KDM1A: variants seen among roughly 807,000 people sequenced by gnomAD.
KDM1A encodes the protein lysine demethylase 1A, also known as lysine-specific histone demethylase 1A.
A neutral mutation model predicts 109.4 loss-of-function variants in KDM1A; 49 were observed. That is an observed-to-expected ratio of 0.45 (90% CI 0.36 to 0.57). The LOEUF is 0.57. Ranked by LOEUF, KDM1A falls within the 20% of genes least tolerant of loss-of-function variation. The probability of loss-of-function intolerance (pLI) is 0.00; values close to 1 mark genes in which losing one functional copy is unlikely to be tolerated. For synonymous variants in KDM1A, 380 were observed against 415.4 expected, an observed-to-expected ratio of 0.91 and a Z score of 1.04; for missense variants, 668 against 1,116.6, an observed-to-expected ratio of 0.60 and a Z score of 5.73.
chr1:23,059,716 G>A (rs1642945297), intron 9 of KDM1A, among the ~76,000 whole-genome samples: 1 of 152,168 alleles, frequency 6.6e-6, no homozygotes, highest in Non-Finnish European at 1.5e-5. Flanking sequence ...ATGGGGAATT[G>A]CACAGTTTAA....
intron 2 of KDM1A, among the ~76,000 whole-genome samples, chr1:23,038,828 G>T (rs952347212): frequency 6.6e-6 from 1 of 152,144 alleles, no homozygotes; most frequent in African/African-American, 2.4e-5. Flanking sequence ...ACCTTAAGAA[G>T]GCTGTTTTAC....
At chr1:23,069,961 C>G (rs1415700588) in intron 12 of KDM1A, among the ~76,000 whole-genome samples, 2 of 152,248 alleles carry the variant, frequency 1.3e-5, no homozygotes, top group African/African-American at 4.8e-5. Flanking sequence ...TGGACTCTTG[C>G]CTCACTCTCA....
intron 3 of KDM1A, among the ~76,000 whole-genome samples, chr1:23,048,276 G>C (rs1642560715): frequency 6.6e-6 from 1 of 151,924 alleles, no homozygotes; most frequent in Non-Finnish European, 1.5e-5. Context: ...TATTTATTTT[G>C]ATTTGGGAAT....
rs779535750 is a variant in KDM1A at position 23,055,031 on chromosome 1, G to A, written c.791-38G>A. On this transcript the variant is annotated intron_variant, in intron 5 of 20. Transcript: ENST00000400181. ...TTAGAAGAATATTGTTTAAACTGCT[G>A]AAAATAAAACCGTGTTTTTAATCCA... The A allele has an allele frequency of 4.5e-6, 6 of 1,328,850 alleles. No homozygotes were observed. In the South Asian group the frequency reaches 5.0e-5, roughly 11 times the overall value. 82.3% of individuals were successfully genotyped at this position (1,328,850 alleles called of 1,614,324 possible). A position where few individuals can be genotyped will look rare whatever the true frequency, so the allele number is the denominator to read the frequency against.
intron 15 of KDM1A, 49 bp downstream of exon 15, chr1:23,073,452 T>C: frequency 1.0e-6 from 1 of 978,516 alleles, no homozygotes; most frequent in African/African-American, 1.6e-5. Context: ...TTGAGAGGGA[T>C]TGTAAGAGAA....
chr1:23,034,520 T>TA (rs146716432), intron 2 of KDM1A, among the ~76,000 whole-genome samples: 6,059 of 152,324 alleles, frequency 0.04, 408 homozygotes, highest in African/African-American at 0.14. Flanking sequence ...CTCAGATTGT[T>TA]ACCCTGTGTA....
intron 14 of KDM1A, 127 bp downstream of exon 14, chr1:23,072,324 T>G (rs1171331445): frequency 2.9e-6 from 2 of 690,294 alleles, no homozygotes; most frequent in East Asian, 2.7e-5. Context: ...AATTGTTAAA[T>G]AAATGAATGT....
intron 16 of KDM1A, among the ~76,000 whole-genome samples, chr1:23,078,051 C>G (rs953741722): frequency 2.0e-5 from 3 of 152,216 alleles, no homozygotes; most frequent in African/African-American, 7.2e-5. Flanking sequence ...ATCTCCCTCT[C>G]TGAGAACCCA....
intron 15 of KDM1A, among the ~76,000 whole-genome samples, chr1:23,075,525 C>G (rs1228983147): frequency 6.7e-6 from 1 of 149,716 alleles, no homozygotes; most frequent in African/African-American, 2.5e-5. Flanking sequence ...GAGCGGAGAT[C>G]GCGCCATTGC....
intron 2 of KDM1A, among the ~76,000 whole-genome samples, chr1:23,036,090 A>G (rs1290210492): frequency 3.3e-5 from 5 of 152,048 alleles, no homozygotes; most frequent in Non-Finnish European, 5.9e-5. Flanking sequence ...TTTTTTTTTA[A>G]TCATGCTGTA....
At chr1:23,028,185 T>C (rs1641868614) in intron 1 of KDM1A, among the ~76,000 whole-genome samples, 1 of 152,242 alleles carries the variant, frequency 6.6e-6, no homozygotes, top group Non-Finnish European at 1.5e-5. Flanking sequence ...AGGGTCTGTC[T>C]CTGTTGCTCA....
At chr1:23,070,685 G>C (rs1192323778) in intron 12 of KDM1A, among the ~76,000 whole-genome samples, 1 of 151,838 alleles carries the variant, frequency 6.6e-6, no homozygotes, top group Non-Finnish European at 1.5e-5. Flanking sequence ...GCGGGTGCCT[G>C]TAGTCCCAGC....
At chr1:23,047,127 T>C (rs1165674810) in intron 3 of KDM1A, among the ~76,000 whole-genome samples, 1 of 152,198 alleles carries the variant, frequency 6.6e-6, no homozygotes, top group Non-Finnish European at 1.5e-5. Flanking sequence ...TATTACTTCA[T>C]TTTGGTACTA....
chr1:23,044,252 T>C, intron 2 of KDM1A, 175 bp from the exon 3 acceptor site: 2 of 571,598 alleles, frequency 3.5e-6, no homozygotes, highest in Non-Finnish European at 3.1e-6. Flanking sequence ...CTGACCAGAA[T>C]TTGGAAGACT....
chr1:23,035,856 G>T (rs1273587711), intron 2 of KDM1A, among the ~76,000 whole-genome samples: 1 of 152,020 alleles, frequency 6.6e-6, no homozygotes, highest in Non-Finnish European at 1.5e-5. Flanking sequence ...ATAGAACTTG[G>T]TATAATAGAA....
At chr1:23,062,350 A>G (rs1021935859) in intron 9 of KDM1A, among the ~76,000 whole-genome samples, 10 of 152,236 alleles carry the variant, frequency 6.6e-5, no homozygotes, top group Non-Finnish European at 1.3e-4. Flanking sequence ...TACCTAAAGT[A>G]AAAATTCATT....
intron 2 of KDM1A, among the ~76,000 whole-genome samples, chr1:23,039,623 C>G (rs1642248470): frequency 6.6e-6 from 1 of 152,208 alleles, no homozygotes; most frequent in African/African-American, 2.4e-5. Flanking sequence ...CAGACCATCT[C>G]CTTCTGAAAG....
At chr1:23,054,411 AAATC>A (rs1391932472) in intron 5 of KDM1A, among the ~76,000 whole-genome samples, 1 of 152,176 alleles carries the variant, frequency 6.6e-6, no homozygotes, top group Non-Finnish European at 1.5e-5. Context: ...ATTAAAAATT[AAATC>A]AATACAATTC....
intron 9 of KDM1A, among the ~76,000 whole-genome samples, chr1:23,064,558 A>C (rs1201003434): frequency 6.6e-6 from 1 of 152,230 alleles, no homozygotes; most frequent in Non-Finnish European, 1.5e-5. Context: ...GTTTGTGAAG[A>C]CTGGAAGTAA....
Sources: allele counts gnomAD v4.1 joint callset (sites outside exome capture counted in the v4.1 genomes callset), GRCh38; gene constraint gnomAD v4.1.1; transcripts MANE v1.5; gene names NCBI Gene and HGNC (gene_info 2026-07-23, HGNC 2026-07-21).